Variants in KIAA0319L observed in about 807,000 individuals in gnomAD.
KIAA0319L encodes the protein KIAA0319 like, also known as dyslexia-associated protein KIAA0319-like protein.
Under a neutral mutation model 120.1 loss-of-function variants are expected in KIAA0319L, and 55 were observed. The ratio of observed to expected loss-of-function variants is 0.46; its 90% CI spans 0.37 to 0.57. The LOEUF (loss-of-function observed/expected upper bound fraction) is 0.57, where lower values mean the gene tolerates loss of function less well. KIAA0319L is among the 20% of genes least tolerant of loss of function. The pLI is 0.00. For missense variants in KIAA0319L, 1,049 were observed against 1,255.3 expected (o/e 0.84, Z 2.48); for synonymous variants, 398 against 471.9 (o/e 0.84, Z 2.03).
intron 3 of KIAA0319L, among the ~76,000 whole-genome samples, chr1:35,493,030 A>T (rs1030090013): frequency 1.3e-5 from 2 of 152,184 alleles, no homozygotes; most frequent in African/African-American, 4.8e-5. Flanking sequence ...ATTGTAGTGG[A>T]AGTTCTAGCC....
In KIAA0319L at chr1:35,453,860, G is replaced by T. The variant is rs12563006; in HGVS notation, c.1781-171C>A. ...AGGGAGCACACAATAAAGAATATAA[G>T]GCTGAAACATATCAAGCAATTCTGA... On this transcript the variant is annotated intron_variant, in intron 11 of 20. Transcript: ENST00000325722. This position sits in a 1 kb window ranked among gnomAD's most constrained non-coding sequence, Gnocchi z 4.1. Among the ~76,000 whole-genome samples, 11,420 of 152,174 alleles carry T rather than the reference G, an allele frequency of 0.075. 1,064 individuals carry two copies. Among genetic ancestry groups the T allele is most frequent in the East Asian group, 0.44 (2,246 of 5,162 alleles).
intron 2 of KIAA0319L, among the ~76,000 whole-genome samples, chr1:35,523,428 T>A (rs916403509): frequency 3.3e-5 from 5 of 152,202 alleles, no homozygotes; most frequent in African/African-American, 1.2e-4. Flanking sequence ...TAAATGCATA[T>A]GTGTATATGA....
chr1:35,446,568 G>A (rs2149082157), intron 16 of KIAA0319L, among the ~76,000 whole-genome samples: 1 of 152,128 alleles, frequency 6.6e-6, no homozygotes, highest in East Asian at 1.9e-4. Flanking sequence ...AAACCCATAG[G>A]CCTACTTTGT....
At chr1:35,533,272 G>A (rs1320595754) in intron 2 of KIAA0319L, 1 of 152,166 alleles carries the variant, frequency 6.6e-6, no homozygotes, top group East Asian at 1.9e-4. Context: ...TGTTTCAGGA[G>A]TCATACTGTT....
In KIAA0319L at chr1:35,444,235, G is replaced by A. The variant is rs1164315211; in HGVS notation, c.2582C>T (p.Ala861Val). 9.9e-6 allele frequency: 16 copies of A among 1,609,512 alleles called. No individual in the cohort carries two copies. The highest frequency in any genetic ancestry group is 1.1e-5 in the Non-Finnish European group (13 of 1,178,230). The change falls in exon 17 of 21, where the codon GCG becomes GTG. Residue 861 changes from alanine (A) to valine (V), a missense_variant. Physicochemically the swap from Ala to Val is moderately conservative, Grantham distance 64. Coordinates refer to ENST00000325722, the MANE Select transcript of KIAA0319L (RefSeq NM_024874.5). ...HQIFKGHEVA[A>V]MLKSELRKQK... is the part of the protein sequence containing the mutation. ...CTTCCGCAGCTCACTCTTGAGCATC[G>A]CTGCCACCTCATGGCCTTTGAAGAT...
At chr1:35,516,140 C>T (rs905007471) in intron 2 of KIAA0319L, among the ~76,000 whole-genome samples, 2 of 152,146 alleles carry the variant, frequency 1.3e-5, no homozygotes, top group Non-Finnish European at 2.9e-5. Context: ...GAGCTGGTAC[C>T]TTCCTACTAA....
At chr1:35,478,821 A>G in intron 4 of KIAA0319L, 145 bp downstream of exon 4, 1 of 974,522 alleles carries the variant, frequency 1.0e-6, no homozygotes. Flanking sequence ...CCCCCAGTCC[A>G]TGACTGCAGG....
At chr1:35,462,763 C>T (rs773741821) in intron 7 of KIAA0319L, 50 bp from the exon 8 acceptor site, 2 of 1,358,888 alleles carry the variant, frequency 1.5e-6, no homozygotes, top group East Asian at 2.3e-5. Flanking sequence ...TCAGAAATTA[C>T]AGGAGCAGGC....
At chr1:35,496,207 G>A (rs909759037) in intron 3 of KIAA0319L, among the ~76,000 whole-genome samples, 1 of 152,146 alleles carries the variant, frequency 6.6e-6, no homozygotes. Context: ...ATCACTTGAG[G>A]TCAGGGGTTC....
intron 2 of KIAA0319L, 72 bp from the exon 3 acceptor site, chr1:35,507,207 G>C: frequency 1.6e-5 from 23 of 1,419,538 alleles, no homozygotes; most frequent in Admixed American, 2.5e-5. Context: ...AGAGCCCTGA[G>C]AACCAACATT....
intron 7 of KIAA0319L, among the ~76,000 whole-genome samples, chr1:35,464,064 G>A (rs1028254906): frequency 1.3e-5 from 2 of 152,038 alleles, no homozygotes; most frequent in African/African-American, 2.4e-5. Flanking sequence ...GCCCAGTCTC[G>A]GGCATGTCTT....
At chr1:35,493,178 A>G (rs1644663170) in intron 3 of KIAA0319L, among the ~76,000 whole-genome samples, 1 of 152,200 alleles carries the variant, frequency 6.6e-6, no homozygotes, top group African/African-American at 2.4e-5. Flanking sequence ...GAATGAATAA[A>G]TAAGTTTAGC....
intron 2 of KIAA0319L, among the ~76,000 whole-genome samples, chr1:35,553,853 T>C (rs750444591): frequency 1.1e-4 from 16 of 152,286 alleles, no homozygotes; most frequent in Middle Eastern, 3.4e-3. Context: ...TCTATCAACA[T>C]AGCCCCTCTC....
Position 35,506,741 on chromosome 1 carries a change from C to T in KIAA0319L, c.537G>A (p.Gln179=). ...ALRPAVSSSD[Q]QSLIRKLQKR... is the part of the protein sequence containing the mutation. ...TCTGAAGCTTCCTGATTAAGCTCTG[C>T]TGGTCACTGGAAGATACAGCAGGTC... The change falls in exon 3 of 21, where the codon CAG becomes CAA. Residue 179 remains glutamine, a synonymous_variant. Transcript: ENST00000325722. This position sits in a 1 kb window ranked among gnomAD's most constrained non-coding sequence, Gnocchi z 4.0. The T allele has an allele frequency of 4.3e-6, 7 of 1,614,204 alleles. No homozygotes were observed. The highest frequency in any genetic ancestry group is 5.9e-6 in the Non-Finnish European group (7 of 1,180,028).
intron 15 of KIAA0319L, among the ~76,000 whole-genome samples, chr1:35,448,539 T>C (rs1641812003): frequency 6.6e-6 from 1 of 152,020 alleles, no homozygotes; most frequent in Admixed American, 6.5e-5. Flanking sequence ...TATACCAACC[T>C]GAGAATTCCC....
Position 35,462,535 on chromosome 1 carries a change from G to C in KIAA0319L, c.1294+86C>G, listed in dbSNP as rs577923063. 23 of 1,118,496 alleles carry C rather than the reference G, an allele frequency of 2.1e-5. No homozygotes were observed. In the East Asian group the frequency reaches 5.1e-4, roughly 25 times the overall value. 69.3% of individuals were successfully genotyped at this position (1,118,496 alleles called of 1,614,324 possible). ...CTGGCCTAAACAGAACGCAGACACA[G>C]CTGGCCCCAAATCTTCTACTAGAGT... On this transcript the variant is annotated intron_variant, in intron 8 of 20. Coordinates refer to ENST00000325722, the MANE Select transcript of KIAA0319L (RefSeq NM_024874.5).
intron 5 of KIAA0319L, among the ~76,000 whole-genome samples, chr1:35,471,918 C>T (rs1429726537): frequency 6.6e-6 from 1 of 152,154 alleles, no homozygotes; most frequent in African/African-American, 2.4e-5. Context: ...CTTCCTTCCT[C>T]CTCCAAAACA....
At chr1:35,538,837 C>T (rs1185645690) in intron 2 of KIAA0319L, among the ~76,000 whole-genome samples, 1 of 151,664 alleles carries the variant, frequency 6.6e-6, no homozygotes, top group East Asian at 1.9e-4. Flanking sequence ...CTTATACCTC[C>T]ATTTTCAAGT....
chr1:35,507,953 T>C (rs1570881883), intron 2 of KIAA0319L, among the ~76,000 whole-genome samples: 2 of 152,370 alleles, frequency 1.3e-5, no homozygotes, highest in South Asian at 4.1e-4. Flanking sequence ...ATTTCAGGTA[T>C]GGCATTGATT....
Sources: allele counts gnomAD v4.1 joint callset (sites outside exome capture counted in the v4.1 genomes callset), GRCh38; gene constraint gnomAD v4.1.1; non-coding constraint Gnocchi (gnomAD v3.1); transcripts MANE v1.5; gene names NCBI Gene and HGNC (gene_info 2026-07-23, HGNC 2026-07-21).